PCDHA11: variants seen among roughly 807,000 people sequenced by gnomAD.
The protein encoded by PCDHA11 is protocadherin alpha-11.
In PCDHA11, 61 loss-of-function variants were observed where a neutral mutation model predicts 70.3. That is an observed-to-expected ratio of 0.87 (90% CI 0.71 to 1.07). The LOEUF is 1.07. Among genes scored for constraint, PCDHA11 ranks in the 50% least tolerant of loss-of-function variants. PCDHA11 has a pLI of 0.00. For missense variants in PCDHA11, 1,324 were observed against 1,237.5 expected, an observed-to-expected ratio of 1.07 and a Z score of -1.05; for synonymous variants, 633 against 555.1, an observed-to-expected ratio of 1.14 and a Z score of -1.97.
chr5:141,007,498 G>A (rs936217793), intron 3 of PCDHA11, among the ~76,000 whole-genome samples: 1 of 151,942 alleles, frequency 6.6e-6, no homozygotes. Flanking sequence ...GACCTAGGAG[G>A]CAGAGACTGC....
chr5:140,932,700 AT>A (rs2088549755), intron 1 of PCDHA11, among the ~76,000 whole-genome samples: 1 of 151,992 alleles, frequency 6.6e-6, no homozygotes, highest in Non-Finnish European at 1.5e-5. Context: ...AAAAACTCAT[AT>A]AGACAACACA....
intron 3 of PCDHA11, among the ~76,000 whole-genome samples, chr5:141,003,903 G>A (rs150270772): frequency 6.6e-6 from 1 of 152,076 alleles, no homozygotes; most frequent in Non-Finnish European, 1.5e-5. Flanking sequence ...CCATTCATTT[G>A]GGTCTTGACT....
chr5:140,939,501 G>A (rs1270789150), intron 1 of PCDHA11, among the ~76,000 whole-genome samples: 1 of 150,708 alleles, frequency 6.6e-6, no homozygotes. Context: ...TAAATTCAAT[G>A]TCTATAACAT....
intron 3 of PCDHA11, among the ~76,000 whole-genome samples, chr5:141,001,524 C>T (rs952372807): frequency 6.6e-6 from 1 of 152,202 alleles, no homozygotes; most frequent in Non-Finnish European, 1.5e-5. Context: ...CTCCCTCTCT[C>T]TCTGATCCTG....
intron 1 of PCDHA11, chr5:140,875,520 C>T: frequency 1.2e-6 from 2 of 1,614,004 alleles, no homozygotes; most frequent in Non-Finnish European, 1.7e-6. Flanking sequence ...GTCTGCTGCT[C>T]TCGCTTCTGC....
intron 1 of PCDHA11, among the ~76,000 whole-genome samples, chr5:140,910,150 T>G (rs555048323): frequency 6.6e-6 from 1 of 152,354 alleles, no homozygotes; most frequent in South Asian, 2.1e-4. Flanking sequence ...GGAAATTGAT[T>G]GAGGGGAAAT....
At chr5:140,932,880 AT>A (rs1219080024) in intron 1 of PCDHA11, among the ~76,000 whole-genome samples, 2 of 151,952 alleles carry the variant, frequency 1.3e-5, no homozygotes, top group Non-Finnish European at 2.9e-5. Context: ...TGTCTTCAAT[AT>A]TTTCAGTTAG....
chr5:140,903,902 A>G lies in PCDHA11; in HGVS notation c.2391+32408A>G, dbSNP rs548056424. Among the ~76,000 whole-genome samples the G allele has an allele frequency of 5.9e-5, 9 of 152,370 alleles. No individual in the cohort carries two copies. The South Asian group carries it at 1.9e-3, about 32-fold the overall frequency. On this transcript the variant is annotated intron_variant, in intron 1 of 3. Transcript: ENST00000398640. ...ACATTGAATCTTGACCTGTTTGTCA[A>G]TGATGTGACTTCCTTGCTGCATTGG...
chr5:140,927,632 C>G (rs2084445013), intron 1 of PCDHA11: 2 of 1,614,142 alleles, frequency 1.2e-6, no homozygotes, highest in Non-Finnish European at 1.7e-6. Context: ...GAGACTGCAC[C>G]CAATGGGACT....
chr5:140,877,433 A>G, intron 1 of PCDHA11: 8 of 1,613,774 alleles, frequency 5.0e-6, no homozygotes, highest in Non-Finnish European at 6.8e-6. Context: ...GTGAAGGACC[A>G]CGGTGAGCCC....
At chr5:140,897,009 A>G (rs550757061) in intron 1 of PCDHA11, among the ~76,000 whole-genome samples, 6 of 152,292 alleles carry the variant, frequency 3.9e-5, no homozygotes, top group African/African-American at 9.6e-5. Context: ...ATTTTTAAAT[A>G]TACAACTAAA....
At chr5:140,882,325 G>A (rs2059066855) in intron 1 of PCDHA11, 1 of 1,614,182 alleles carries the variant, frequency 6.2e-7, no homozygotes, top group Non-Finnish European at 8.5e-7. Context: ...TCTGGCTTCT[G>A]ATCCTCGCAG....
At position 140,869,566 on chromosome 5, in the gene PCDHA11, G is replaced by C. The variant is rs782325882; in HGVS notation, c.463G>C (p.Glu155Gln). The C allele has an allele frequency of 6.2e-7, 1 of 1,614,178 alleles. No homozygotes were observed. Among genetic ancestry groups the C allele is most frequent in the Middle Eastern group, 1.6e-4 (1 of 6,062 alleles). The change falls in exon 1 of 4, where the codon GAG becomes CAG. Residue 155 changes from glutamate (E) to glutamine (Q), a missense_variant. By Grantham distance (29) the Glu-to-Gln change is conservative. Coordinates refer to ENST00000398640, the MANE Select transcript of PCDHA11 (RefSeq NM_018902.5). ...SKQSDSRFPL[E>Q]GASDADIEEN... ...GCAATCGGACTCGCGTTTTCCACTAGAGGGAGCTTCTGATGCTGACATTGA... is the reference window on the plus strand; with the variant it reads ...GCAATCGGACTCGCGTTTTCCACTACAGGGAGCTTCTGATGCTGACATTGA...
At chr5:140,942,546 TA>T (rs1380022033) in intron 1 of PCDHA11, among the ~76,000 whole-genome samples, 4 of 150,044 alleles carry the variant, frequency 2.7e-5, no homozygotes, top group African/African-American at 9.8e-5. Flanking sequence ...TGGTGGGGGG[TA>T]GGGGGTTGAG....
At chr5:140,983,168 C>G (rs2097030716) in intron 3 of PCDHA11, among the ~76,000 whole-genome samples, 1 of 152,146 alleles carries the variant, frequency 6.6e-6, no homozygotes. Context: ...CCAAACATGA[C>G]CGCCTCACAA....
intron 3 of PCDHA11, among the ~76,000 whole-genome samples, chr5:141,004,282 G>T (rs1444607316): frequency 3.3e-5 from 5 of 152,190 alleles, no homozygotes; most frequent in African/African-American, 1.2e-4. Context: ...ACATGCTGCT[G>T]AGCTCTCAGA....
At chr5:141,000,414 TATA>T (rs1563651539) in intron 3 of PCDHA11, among the ~76,000 whole-genome samples, 16 of 99,530 alleles carry the variant, frequency 1.6e-4, no homozygotes, top group African/African-American at 2.5e-4. Flanking sequence ...TATATATATA[TATA>T]TATATTTTTT....
intron 3 of PCDHA11, 56 bp downstream of exon 3, chr5:140,982,619 C>G (rs561557496): frequency 7.5e-6 from 12 of 1,589,654 alleles, no homozygotes; most frequent in Middle Eastern, 3.4e-4. Context: ...GATCAGATGA[C>G]CTACTTTTGT....
intron 1 of PCDHA11, among the ~76,000 whole-genome samples, chr5:140,916,814 G>A (rs1201189287): frequency 3.3e-5 from 5 of 152,112 alleles, no homozygotes; most frequent in African/African-American, 1.2e-4. Context: ...TAGGTCATGT[G>A]CCACCCCTAT....
Sources: gnomAD v4.1 joint callset for allele counts (sites outside exome capture counted in the v4.1 genomes callset) on GRCh38, gnomAD v4.1.1 for gene constraint, MANE v1.5 for transcripts, NCBI Gene and HGNC (gene_info 2026-07-23, HGNC 2026-07-21) for gene names.